The following FLYWCH1 variants were observed in gnomAD, a reference collection of about 807,000 sequenced individuals.
FLYWCH1 encodes FLYWCH-type zinc finger-containing protein 1.
In FLYWCH1, 75 loss-of-function variants were observed where a neutral mutation model predicts 66.4. The observed-to-expected ratio is 1.13, with a 90% CI of 0.94 to 1.37. The LOEUF (loss-of-function observed/expected upper bound fraction) is 1.37, where lower values mean the gene tolerates loss of function less well. FLYWCH1 is among the 40% of genes most tolerant of loss of function. The pLI, the probability that FLYWCH1 is intolerant of heterozygous loss-of-function variation, is 0.00. For missense variants in FLYWCH1, 1,334 were observed against 1,001.8 expected (o/e 1.33, Z -4.48); for synonymous variants, 595 against 429.9 (o/e 1.38, Z -4.75).
rs541184341 is a variant in FLYWCH1, at chr16:2,913,052, A to G, written c.-188+898A>G. 16 of 152,306 alleles carry G rather than the reference A, an allele frequency of 1.1e-4. No individual in the cohort carries two copies. The East Asian group carries it at 2.7e-3, about 26-fold the overall frequency. 9.4% of individuals were successfully genotyped at this position (152,306 alleles called of 1,614,324 possible). On this transcript the variant is annotated intron_variant, in intron 1 of 9. Transcript: ENST00000253928. ...AAGGAACAAGGCTGAGGTTGGGGCT[A>G]GATTGCGGAGTGTTTATGACGCCCA...
At position 2,930,890 on chromosome 16, in the gene FLYWCH1, A is replaced by G. The variant is rs1274060738; in HGVS notation, c.796+10A>G. 4 of 1,575,464 alleles carry G rather than the reference A, an allele frequency of 2.5e-6. No individual in the cohort carries two copies. Among genetic ancestry groups the G allele is most frequent in the African/African-American group, 1.3e-5 (1 of 74,102 alleles). On this transcript the variant is annotated intron_variant, in intron 4 of 9. Coordinates refer to ENST00000253928, the MANE Select transcript of FLYWCH1 (RefSeq NM_001308068.2). ...TCGATCCTGGGGCTGGGTGAGTACAATCCACTCCCCTGCTGCGTCCACTCG... is the reference window on the plus strand; with the variant it reads ...TCGATCCTGGGGCTGGGTGAGTACAGTCCACTCCCCTGCTGCGTCCACTCG...
rs544994845 is a variant in FLYWCH1, at chr16:2,924,935, C to G, written c.-73-4678C>G. Among the ~76,000 whole-genome samples the G allele has an allele frequency of 1.1e-4, 17 of 152,338 alleles. No homozygotes were observed. The East Asian group carries it at 2.9e-3, about 26-fold the overall frequency. Reference sequence around the variant, plus strand: ...GGTCGCCAGAGGACTGCGCTCTCTCCTGTCACTTCCTGTGACTCGGGTACA... The same window carrying G: ...GGTCGCCAGAGGACTGCGCTCTCTCGTGTCACTTCCTGTGACTCGGGTACA... On this transcript the variant is annotated intron_variant, in intron 2 of 9. Transcript: ENST00000253928.
chr16:2,934,742 C>T (rs760074839), intron 6 of FLYWCH1: 1 of 449,952 alleles, frequency 2.2e-6, no homozygotes, highest in Non-Finnish European at 4.5e-6. Context: ...GTTCCATCTC[C>T]AGAGAGACAG....
chr16:2,938,944 G>A (rs1596391355), intron 8 of FLYWCH1, among the ~76,000 whole-genome samples: 1 of 150,670 alleles, frequency 6.6e-6, no homozygotes, highest in East Asian at 2.0e-4. Flanking sequence ...TTTTGCTCTT[G>A]TTGCCCAGGC....
intron 7 of FLYWCH1, 144 bp downstream of exon 7, chr16:2,937,528 G>C (rs1180876971): frequency 2.0e-5 from 21 of 1,027,818 alleles, no homozygotes; most frequent in Non-Finnish European, 2.8e-5. Flanking sequence ...GGGGCAGGAG[G>C]CTCCATCTGC....
intron 7 of FLYWCH1, 39 bp downstream of exon 7, chr16:2,937,423 C>T: frequency 6.7e-7 from 1 of 1,495,424 alleles, no homozygotes; most frequent in Non-Finnish European, 8.9e-7. Context: ...TGCCTGGTCT[C>T]CCAGGACCTG....
intron 6 of FLYWCH1, 147 bp downstream of exon 6, chr16:2,934,126 A>C (rs930217446): frequency 3.8e-6 from 4 of 1,059,360 alleles, no homozygotes; most frequent in East Asian, 5.3e-5. Context: ...CTGGCCTCCT[A>C]CTCCTTGGCC....
intron 6 of FLYWCH1, among the ~76,000 whole-genome samples, chr16:2,934,343 C>T (rs895776693): frequency 6.6e-6 from 1 of 152,210 alleles, no homozygotes; most frequent in Admixed American, 6.5e-5. Context: ...GTCTTAACGT[C>T]TGAGTGGTTA....
Position 2,929,994 on chromosome 16 carries a change from C to T in FLYWCH1, c.309C>T (p.Cys103=). 6 of 1,605,062 alleles carry T rather than the reference C, an allele frequency of 3.7e-6. No individual in the cohort carries two copies. Among genetic ancestry groups the T allele is most frequent in the South Asian group, 1.1e-5 (1 of 90,948 alleles). ...CCCTAGAGATGCCTGAACAGAAGTG[C>T]AGCAAGCTGGATGCAGGTGAGGTGT... The part of the protein sequence containing the change: ...QPALEMPEQK[C]SKLDAAAPQS... Residue 103 remains cysteine, a synonymous_variant, in exon 3 of 10, where the codon TGC becomes TGT. Coordinates refer to ENST00000253928, the MANE Select transcript of FLYWCH1 (RefSeq NM_001308068.2).
At chr16:2,938,789 T>C (rs2071136592) in intron 8 of FLYWCH1, among the ~76,000 whole-genome samples, 1 of 151,564 alleles carries the variant, frequency 6.6e-6, no homozygotes, top group South Asian at 2.1e-4. Context: ...ATTTTTTGTA[T>C]TTTTAGTAGA....
chr16:2,941,791 G>A (rs908799188), intron 9 of FLYWCH1, among the ~76,000 whole-genome samples: 2 of 151,922 alleles, frequency 1.3e-5, no homozygotes, highest in Non-Finnish European at 2.9e-5. Flanking sequence ...GGGAGACCGA[G>A]GGAGGTAGAT....
chr16:2,932,585 C>A (rs1488260918), intron 4 of FLYWCH1, among the ~76,000 whole-genome samples: 2 of 152,134 alleles, frequency 1.3e-5, no homozygotes, highest in African/African-American at 4.8e-5. Flanking sequence ...TGGCCCCTGC[C>A]CTGGGCACCT....
At chr16:2,943,167 C>G (rs560470782) in intron 9 of FLYWCH1, among the ~76,000 whole-genome samples, 3 of 152,236 alleles carry the variant, frequency 2.0e-5, no homozygotes, top group African/African-American at 7.2e-5. Flanking sequence ...GCAGGCACAA[C>G]GTACCTACAT....
intron 2 of FLYWCH1, among the ~76,000 whole-genome samples, chr16:2,925,357 G>A (rs1445873244): frequency 6.6e-6 from 1 of 152,060 alleles, no homozygotes; most frequent in East Asian, 1.9e-4. Flanking sequence ...CATACATCCC[G>A]GTTCATGCTG....
chr16:2,929,068 G>A (rs748978521), intron 2 of FLYWCH1, among the ~76,000 whole-genome samples: 2 of 152,186 alleles, frequency 1.3e-5, no homozygotes, highest in Admixed American at 1.3e-4. Context: ...AGGGCTCTGC[G>A]TACCAGGCCC....
At chr16:2,940,914 T>TGTAATTCCAGCACTTTGG (rs2071235542) in intron 9 of FLYWCH1, among the ~76,000 whole-genome samples, 1 of 136,960 alleles carries the variant, frequency 7.3e-6, no homozygotes, top group African/African-American at 2.8e-5. Context: ...GCAGATCATT[T>TGTAATTCCAGCACTTTGG]GAGGTCAGGA....
chr16:2,915,231 C>T (rs1405910820), intron 2 of FLYWCH1: 1 of 151,816 alleles, frequency 6.6e-6, no homozygotes, highest in African/African-American at 2.4e-5. Context: ...TCCATCTCCC[C>T]GGTAGGTTCA....
chr16:2,939,889 C>A (rs560665165), intron 8 of FLYWCH1, 143 bp from the exon 9 acceptor site: 2 of 858,506 alleles, frequency 2.3e-6, no homozygotes, highest in African/African-American at 3.4e-5. Flanking sequence ...GTAATTGATG[C>A]GTTGAATTCC....
chr16:2,916,434 G>A (rs551443832), intron 2 of FLYWCH1, among the ~76,000 whole-genome samples: 1 of 152,160 alleles, frequency 6.6e-6, no homozygotes, highest in African/African-American at 2.4e-5. Context: ...AGGAGATAGA[G>A]ACCATCCTGG....
Sources: allele counts gnomAD v4.1 joint callset (sites outside exome capture counted in the v4.1 genomes callset), GRCh38; gene constraint gnomAD v4.1.1; transcripts MANE v1.5; gene names NCBI Gene and HGNC (gene_info 2026-07-23, HGNC 2026-07-21).